ASAP1: variants seen among roughly 807,000 people sequenced by gnomAD.
ASAP1 encodes the protein ArfGAP with SH3 domain, ankyrin repeat and PH domain 1, also known as arf-GAP with SH3 domain, ANK repeat and PH domain-containing protein 1.
Under a neutral mutation model 145.2 loss-of-function variants are expected in ASAP1, and 43 were observed. That is an observed-to-expected ratio of 0.30 (90% confidence interval 0.23 to 0.38). The LOEUF is 0.38. Ranked by LOEUF, ASAP1 falls within the 10% of genes least tolerant of loss-of-function variation. ASAP1 has a pLI of 1.00. For synonymous variants in ASAP1, 546 were observed against 515.5 expected (o/e 1.06, Z -0.80); for missense variants, 1,018 against 1,355.3 (o/e 0.75, Z 3.91).
chr8:130,333,053 T>G (rs72724447), intron 3 of ASAP1, among the ~76,000 whole-genome samples: 5,290 of 152,298 alleles, frequency 0.035, 125 homozygotes, highest in Middle Eastern at 0.065. Context: ...ATGGAAATTC[T>G]GTTTGGAGGC....
intron 2 of ASAP1, among the ~76,000 whole-genome samples, chr8:130,359,774 C>T (rs1254561904): frequency 6.6e-6 from 1 of 152,194 alleles, no homozygotes; most frequent in Non-Finnish European, 1.5e-5. Flanking sequence ...CAGGCGCCCG[C>T]CACCGCGCCC....
At chr8:130,220,937 G>A (rs886470350) in intron 4 of ASAP1, among the ~76,000 whole-genome samples, 1 of 152,070 alleles carries the variant, frequency 6.6e-6, no homozygotes, top group African/African-American at 2.4e-5. Context: ...AGAACAGCAT[G>A]GGGGAACCAC....
rs1298221785 is a variant in ASAP1 at position 130,053,560 on chromosome 8, G to A, written c.*1171C>T. 2 of 152,192 alleles carry A rather than the reference G, an allele frequency of 1.3e-5. No individual in the cohort carries two copies. The highest frequency in any genetic ancestry group is 1.9e-4 in the East Asian group (1 of 5,206). The allele number at this position is 152,192 out of a possible 1,614,324, so 9.4% of individuals were successfully genotyped here. On this transcript the variant is annotated 3_prime_UTR_variant, in exon 30 of 30. Coordinates refer to ENST00000518721, the MANE Select transcript of ASAP1 (RefSeq NM_018482.4). ...GACTGGAAAAATTATCTATAATTGG[G>A]GTTTAACAAAGAGCATGGGAAAAGA...
chr8:130,122,044 C>T (rs1564984644), intron 18 of ASAP1, among the ~76,000 whole-genome samples: 1 of 152,102 alleles, frequency 6.6e-6, no homozygotes. Flanking sequence ...ACCCATATGA[C>T]CTGTTCCAGC....
At chr8:130,155,224 TCTG>T (rs1207328865) in intron 12 of ASAP1, among the ~76,000 whole-genome samples, 3 of 152,158 alleles carry the variant, frequency 2.0e-5, no homozygotes, top group African/African-American at 4.8e-5. Context: ...CCCCTTCTCT[TCTG>T]CTGCTAATAA....
chr8:130,109,312 G>A (rs771020054), intron 24 of ASAP1, among the ~76,000 whole-genome samples: 11 of 152,140 alleles, frequency 7.2e-5, no homozygotes, highest in Non-Finnish European at 1.5e-4. Context: ...CTGCTCACTT[G>A]TAAGCACAAG....
At chr8:130,352,218 T>TG (rs1826037603) in intron 3 of ASAP1, among the ~76,000 whole-genome samples, 1 of 151,096 alleles carries the variant, frequency 6.6e-6, no homozygotes, top group South Asian at 2.1e-4. Flanking sequence ...AAGGGTTTTT[T>TG]TTTTTTTTTT....
At chr8:130,380,518 T>A (rs1827717063) in intron 2 of ASAP1, among the ~76,000 whole-genome samples, 2 of 152,094 alleles carry the variant, frequency 1.3e-5, no homozygotes, top group Admixed American at 6.5e-5. Context: ...ATGTGGTGCC[T>A]GAGGACTCCA....
intron 4 of ASAP1, among the ~76,000 whole-genome samples, chr8:130,228,964 A>G (rs989441789): frequency 3.3e-5 from 5 of 152,128 alleles, no homozygotes; most frequent in Non-Finnish European, 7.4e-5. Flanking sequence ...GCTCTCCACA[A>G]TGAAACAAGT....
At chr8:130,185,862 A>C (rs1026037990) in intron 7 of ASAP1, among the ~76,000 whole-genome samples, 1 of 152,176 alleles carries the variant, frequency 6.6e-6, no homozygotes, top group Non-Finnish European at 1.5e-5. Flanking sequence ...GTCATTTATA[A>C]TACTAAGCAC....
At position 130,344,461 on chromosome 8, in the gene ASAP1, A is replaced by G. The variant is rs180939795; in HGVS notation, c.186+13556T>C. Among the ~76,000 whole-genome samples the G allele has an allele frequency of 3.7e-3, 571 of 152,346 alleles. 1 individual carries two copies. Among genetic ancestry groups the G allele is most frequent in the Middle Eastern group, 0.014 (4 of 294 alleles). On this transcript the variant is annotated intron_variant, in intron 3 of 29. Coordinates refer to ENST00000518721, the MANE Select transcript of ASAP1 (RefSeq NM_018482.4). ...AATGAAATACCTGATATTGCTTCAA[A>G]AAATCAGGGGAAGGAGGCAGAAATG...
At chr8:130,182,660 A>T (rs1389670076) in intron 7 of ASAP1, among the ~76,000 whole-genome samples, 1 of 152,144 alleles carries the variant, frequency 6.6e-6, no homozygotes, top group Non-Finnish European at 1.5e-5. Flanking sequence ...GCACCCAAAG[A>T]TTATAAGTCT....
intron 2 of ASAP1, among the ~76,000 whole-genome samples, chr8:130,395,486 G>T (rs545937475): frequency 2.6e-5 from 4 of 152,308 alleles, no homozygotes; most frequent in East Asian, 3.9e-4. Context: ...GCAGAATGCC[G>T]CAGGACAACA....
chr8:130,392,134 TGTGGAATAGTTTTTAA>T (rs1828312684), intron 2 of ASAP1, among the ~76,000 whole-genome samples: 1 of 152,208 alleles, frequency 6.6e-6, no homozygotes, highest in Non-Finnish European at 1.5e-5. Context: ...CAAAATCATT[TGTGGAATAGTTTTTAA>T]GACTGCAGAT....
chr8:130,075,271 G>A (rs932283162), intron 27 of ASAP1, among the ~76,000 whole-genome samples: 22 of 152,238 alleles, frequency 1.4e-4, no homozygotes, highest in African/African-American at 5.1e-4. Context: ...CCCAGGGGAA[G>A]TCTTGCATCT....
At position 130,357,866 on chromosome 8, in the gene ASAP1, C is replaced by T. The variant is rs573584827; in HGVS notation, c.186+151G>A. 1.5e-5 allele frequency: 16 copies of T among 1,077,050 alleles called. No individual in the cohort carries two copies. In the African/African-American group the frequency reaches 1.8e-4, roughly 12 times the overall value. 66.7% of individuals were successfully genotyped at this position (1,077,050 alleles called of 1,614,324 possible). On this transcript the variant is annotated intron_variant, in intron 3 of 29. Transcript: ENST00000518721. ...GCGAGGAGATGGGGAAGGCGCCGCC[C>T]GTCCGAAGTCCCTTATTCACCCGGC...
At chr8:130,077,091 G>C (rs2097464164) in intron 26 of ASAP1, among the ~76,000 whole-genome samples, 1 of 152,210 alleles carries the variant, frequency 6.6e-6, no homozygotes, top group South Asian at 2.1e-4. Flanking sequence ...CTGGCAGAAG[G>C]TCTCACGTGG....
intron 3 of ASAP1, among the ~76,000 whole-genome samples, chr8:130,297,840 C>T (rs944059049): frequency 6.6e-6 from 1 of 152,162 alleles, no homozygotes; most frequent in African/African-American, 2.4e-5. Context: ...TATTTAACTG[C>T]CACATTTTAG....
At chr8:130,288,049 C>T (rs1042339611) in intron 3 of ASAP1, among the ~76,000 whole-genome samples, 3 of 152,158 alleles carry the variant, frequency 2.0e-5, no homozygotes, top group Admixed American at 6.5e-5. Flanking sequence ...TGCTCTAGTC[C>T]GACTCCTGCA....
Sources: gnomAD v4.1 joint callset for allele counts (sites outside exome capture counted in the v4.1 genomes callset) on GRCh38, gnomAD v4.1.1 for gene constraint, MANE v1.5 for transcripts, NCBI Gene and HGNC (gene_info 2026-07-23, HGNC 2026-07-21) for gene names.